Variants in KLF12 observed in about 807,000 individuals in gnomAD.
KLF12 encodes KLF transcription factor 12, also known as Krueppel-like factor 12.
KLF12 carries 9 observed loss-of-function variants against 37.8 expected under a neutral mutation model. The observed-to-expected ratio is 0.24, with a 90% confidence interval of 0.14 to 0.42. The LOEUF is 0.42. Ranked by LOEUF, KLF12 falls within the 10% of genes least tolerant of loss-of-function variation. KLF12 has a pLI of 1.00. For synonymous variants in KLF12, 208 were observed against 202.1 expected, an observed-to-expected ratio of 1.03 and a Z score of -0.25; for missense variants, 411 against 516.0, an observed-to-expected ratio of 0.80 and a Z score of 1.97.
intron 1 of KLF12, among the ~76,000 whole-genome samples, chr13:74,124,664 G>C (rs1877838337): frequency 6.6e-6 from 1 of 151,910 alleles, no homozygotes; most frequent in Non-Finnish European, 1.5e-5. Flanking sequence ...ATACCCTATT[G>C]GCCAAGCATA....
intron 3 of KLF12, among the ~76,000 whole-genome samples, chr13:73,926,016 T>C (rs1481703976): frequency 6.6e-6 from 1 of 152,184 alleles, no homozygotes; most frequent in East Asian, 1.9e-4. Context: ...TTTCTTTAGA[T>C]GGAATCTACT....
At chr13:73,906,542 A>C (rs1260236304) in intron 3 of KLF12, among the ~76,000 whole-genome samples, 2 of 152,168 alleles carry the variant, frequency 1.3e-5, no homozygotes, top group African/African-American at 4.8e-5. Flanking sequence ...TACTGTCAAC[A>C]GTTTTTCATT....
chr13:73,958,787 A>G (rs1217997827), intron 2 of KLF12, among the ~76,000 whole-genome samples: 1 of 152,074 alleles, frequency 6.6e-6, no homozygotes, highest in Non-Finnish European at 1.5e-5. Flanking sequence ...TGAATGTCAT[A>G]AAATTGGAAG....
intron 4 of KLF12, among the ~76,000 whole-genome samples, chr13:73,835,668 A>C (rs1035270514): frequency 2.6e-5 from 4 of 152,162 alleles, no homozygotes; most frequent in African/African-American, 9.7e-5. Flanking sequence ...CAGGAACCAC[A>C]GTAAGAAATA....
At chr13:73,975,142 G>A (rs2138136645) in intron 2 of KLF12, among the ~76,000 whole-genome samples, 1 of 152,264 alleles carries the variant, frequency 6.6e-6, no homozygotes, top group South Asian at 2.1e-4. Context: ...TAATTCAAAA[G>A]TAACTTTTTT....
intron 7 of KLF12, among the ~76,000 whole-genome samples, chr13:73,698,222 G>C: frequency 6.6e-6 from 1 of 150,980 alleles, no homozygotes; most frequent in Non-Finnish European, 1.5e-5. Context: ...AGGGGAGGGG[G>C]AAAGAAAAGA....
chr13:74,031,817 T>G (rs1487905232), intron 1 of KLF12, among the ~76,000 whole-genome samples: 4 of 152,204 alleles, frequency 2.6e-5, no homozygotes, highest in African/African-American at 9.6e-5. Flanking sequence ...AATGTGCTTC[T>G]CAATTTTCAT....
intron 6 of KLF12, among the ~76,000 whole-genome samples, chr13:73,715,880 A>G (rs1216838115): frequency 6.6e-6 from 1 of 152,214 alleles, no homozygotes; most frequent in Non-Finnish European, 1.5e-5. Context: ...GAATATCCTG[A>G]TAGAGAATAT....
At chr13:74,075,484 A>G (rs181818893) in intron 1 of KLF12, among the ~76,000 whole-genome samples, 283 of 152,326 alleles carry the variant, frequency 1.9e-3, no homozygotes, top group Non-Finnish European at 3.4e-3. Context: ...ATTACCCATT[A>G]AATTACAATC....
intron 3 of KLF12, among the ~76,000 whole-genome samples, chr13:73,921,690 A>G (rs1435709182): frequency 6.6e-6 from 1 of 152,196 alleles, no homozygotes; most frequent in Non-Finnish European, 1.5e-5. Context: ...TGTTAAATCT[A>G]ATAATACATG....
the KLF12 span, among the ~76,000 whole-genome samples, chr13:74,142,229 TC>T: frequency 6.6e-6 from 1 of 152,218 alleles, no homozygotes; most frequent in South Asian, 2.1e-4. Flanking sequence ...ATCCTTCCAC[TC>T]CATGAATTTA....
chr13:73,889,878 G>T (rs1887419186), intron 3 of KLF12, among the ~76,000 whole-genome samples: 1 of 152,014 alleles, frequency 6.6e-6, no homozygotes, highest in Non-Finnish European at 1.5e-5. Flanking sequence ...GGTGGTGAAG[G>T]TGTCTTTCTA....
At chr13:73,795,305 G>A (rs1241067293) in intron 5 of KLF12, among the ~76,000 whole-genome samples, 5 of 152,114 alleles carry the variant, frequency 3.3e-5, no homozygotes, top group African/African-American at 7.2e-5. Context: ...AAATTCACTG[G>A]AAATTCTCTT....
At chr13:74,033,954 CAAA>C (rs1300713350) in intron 1 of KLF12, among the ~76,000 whole-genome samples, 10 of 129,768 alleles carry the variant, frequency 7.7e-5, no homozygotes, top group South Asian at 2.5e-4. Flanking sequence ...AGCTGAAAGC[CAAA>C]AAAAAAAAAA....
At chr13:74,126,369 C>T (rs1479542554) in intron 1 of KLF12, among the ~76,000 whole-genome samples, 2 of 152,252 alleles carry the variant, frequency 1.3e-5, no homozygotes, top group East Asian at 3.9e-4. Flanking sequence ...CTCATTCTCA[C>T]AGACAAAAGG....
chr13:73,929,712 T>A (rs933376285), intron 3 of KLF12, among the ~76,000 whole-genome samples: 1 of 152,212 alleles, frequency 6.6e-6, no homozygotes, highest in African/African-American at 2.4e-5. Context: ...TCCAAGTGTG[T>A]GGTGCCAGAA....
At chr13:73,835,475 G>A (rs1434723909) in intron 4 of KLF12, among the ~76,000 whole-genome samples, 1 of 152,116 alleles carries the variant, frequency 6.6e-6, no homozygotes, top group African/African-American at 2.4e-5. Flanking sequence ...AGGAGTGGAG[G>A]GAGACAGAGA....
At chr13:73,921,517 T>C (rs374364687) in intron 3 of KLF12, among the ~76,000 whole-genome samples, 23 of 152,344 alleles carry the variant, frequency 1.5e-4, no homozygotes, top group African/African-American at 5.5e-4. Flanking sequence ...CTCCTAAGCT[T>C]TGAGTTCACA....
chr13:73,945,298 G>A (rs1157084973), intron 2 of KLF12, among the ~76,000 whole-genome samples: 11 of 152,128 alleles, frequency 7.2e-5, no homozygotes, highest in African/African-American at 1.9e-4. Context: ...GTGAAACCCC[G>A]TCTCTACTAA....
Sources: gnomAD v4.1 joint callset for allele counts (sites outside exome capture counted in the v4.1 genomes callset) on GRCh38, gnomAD v4.1.1 for gene constraint, MANE v1.5 for transcripts, NCBI Gene and HGNC (gene_info 2026-07-23, HGNC 2026-07-21) for gene names.